PKIB: variants seen among roughly 807,000 people sequenced by gnomAD.
The protein encoded by PKIB is cAMP-dependent protein kinase inhibitor beta, also known as PKI-beta.
Under a neutral mutation model 4.5 loss-of-function variants are expected in PKIB, and 2 were observed. The observed-to-expected ratio is 0.44, with a 90% CI of 0.18 to 1.39. The LOEUF (loss-of-function observed/expected upper bound fraction) is 1.39, where lower values mean the gene tolerates loss of function less well. Among genes scored for constraint, PKIB ranks in the 40% most tolerant of loss-of-function variants. The pLI, the probability that PKIB is intolerant of heterozygous loss-of-function variation, is 0.27. For synonymous variants in PKIB, 38 were observed against 36.0 expected, an observed-to-expected ratio of 1.06 and a Z score of -0.20; for missense variants, 94 against 92.6, an observed-to-expected ratio of 1.02 and a Z score of -0.06.
chr6:122,585,448 G>A (rs891131729), intron 2 of PKIB: 2 of 152,138 alleles, frequency 1.3e-5, no homozygotes, highest in African/African-American at 4.8e-5. Context: ...AAAGCTAAAA[G>A]GGGCCAGAGA....
intron 3 of PKIB, among the ~76,000 whole-genome samples, chr6:122,716,520 A>G (rs988818208): frequency 6.6e-6 from 1 of 152,174 alleles, no homozygotes; most frequent in Non-Finnish European, 1.5e-5. Flanking sequence ...AAAGACAATA[A>G]TATCTATGGA....
chr6:122,640,784 G>A (rs1205635979), intron 2 of PKIB, among the ~76,000 whole-genome samples: 1 of 152,122 alleles, frequency 6.6e-6, no homozygotes, highest in Non-Finnish European at 1.5e-5. Flanking sequence ...CTTCTCACAT[G>A]CCTACCAGCT....
intron 4 of PKIB, among the ~76,000 whole-genome samples, chr6:122,718,342 G>A (rs776379082): frequency 6.6e-6 from 1 of 151,964 alleles, no homozygotes; most frequent in African/African-American, 2.4e-5. Flanking sequence ...AAATCACTTT[G>A]GAAGCTTCTG....
At chr6:122,581,059 C>A (rs184884170) in intron 2 of PKIB, among the ~76,000 whole-genome samples, 1 of 152,256 alleles carries the variant, frequency 6.6e-6, no homozygotes, top group East Asian at 1.9e-4. Flanking sequence ...TCGAGTCCCA[C>A]CAGAGCCAGG....
chr6:122,561,994 GTTTTTTTTTGTTTTTT>G (rs1773036423), intron 2 of PKIB, among the ~76,000 whole-genome samples: 1 of 40,904 alleles, frequency 2.4e-5, no homozygotes, highest in Non-Finnish European at 4.6e-5. Context: ...GTTTGTTTTT[GTTTTTTTTTGTTTTTT>G]TTTTTTTTTG....
At chr6:122,490,192 T>C (rs1349562890) in intron 2 of PKIB, among the ~76,000 whole-genome samples, 1 of 152,248 alleles carries the variant, frequency 6.6e-6, no homozygotes, top group Non-Finnish European at 1.5e-5. Flanking sequence ...TTCAAACTTA[T>C]AAAAGCATCT....
At chr6:122,586,518 G>C (rs758957294) in intron 3 of PKIB, among the ~76,000 whole-genome samples, 1 of 152,142 alleles carries the variant, frequency 6.6e-6, no homozygotes, top group Non-Finnish European at 1.5e-5. Flanking sequence ...TAAATGAAGA[G>C]AATGTGTAGG....
rs9398687 is a variant in PKIB, at chr6:122,680,607, G to A, written c.-9+5463G>A. 1.2e-4 allele frequency among the ~76,000 whole-genome samples: 18 copies of A among 152,250 alleles called. No individual in the cohort carries two copies. In the South Asian group the frequency reaches 2.3e-3, roughly 19 times the overall value. On this transcript the variant is annotated intron_variant, in intron 3 of 4. Coordinates refer to ENST00000368452, the MANE Select transcript of PKIB (RefSeq NM_181795.3). ...ATTCTAGTTTTTATGACAAGCCTCA[G>A]GGGAGAATGGGACTGCCAGACAGGA...
chr6:122,478,742 A>G (rs1206012484), intron 2 of PKIB: 2 of 152,206 alleles, frequency 1.3e-5, no homozygotes, highest in Non-Finnish European at 2.9e-5. Context: ...TTAAATGCCA[A>G]TAGGAGAAAG....
At chr6:122,714,701 G>A (rs1303256753) in intron 3 of PKIB, among the ~76,000 whole-genome samples, 1 of 152,128 alleles carries the variant, frequency 6.6e-6, no homozygotes, top group Non-Finnish European at 1.5e-5. Flanking sequence ...AGGTGGGAGA[G>A]CTGCAGAAAA....
chr6:122,661,901 T>C (rs1777005049), intron 2 of PKIB, among the ~76,000 whole-genome samples: 1 of 152,200 alleles, frequency 6.6e-6, no homozygotes, highest in Non-Finnish European at 1.5e-5. Context: ...GAGTGTAAAG[T>C]GGTATTTCAA....
At chr6:122,621,775 C>T (rs560831760) in intron 1 of PKIB, among the ~76,000 whole-genome samples, 2 of 152,296 alleles carry the variant, frequency 1.3e-5, no homozygotes, top group South Asian at 2.1e-4. Flanking sequence ...CTTGATTGAA[C>T]GTTTCAAATT....
chr6:122,569,013 C>CT, intron 2 of PKIB, among the ~76,000 whole-genome samples: 1 of 152,226 alleles, frequency 6.6e-6, no homozygotes, highest in African/African-American at 2.4e-5. Context: ...TCTCCACTCC[C>CT]TTTGCAAACT....
At chr6:122,586,634 G>C (rs777945104) in intron 3 of PKIB, among the ~76,000 whole-genome samples, 6 of 152,100 alleles carry the variant, frequency 3.9e-5, no homozygotes, top group African/African-American at 7.2e-5. Context: ...CTCTTTTTGA[G>C]AAAGTCCTTT....
At chr6:122,697,875 A>G (rs1366723060) in intron 3 of PKIB, among the ~76,000 whole-genome samples, 2 of 152,108 alleles carry the variant, frequency 1.3e-5, no homozygotes, top group East Asian at 1.9e-4. Context: ...GAGGCCTTGT[A>G]TTGTGGCCTT....
At chr6:122,629,387 T>C (rs981654961) in intron 1 of PKIB, among the ~76,000 whole-genome samples, 1 of 152,168 alleles carries the variant, frequency 6.6e-6, no homozygotes, top group African/African-American at 2.4e-5. Flanking sequence ...GTATAAAATA[T>C]AATATCTATC....
intron 2 of PKIB, among the ~76,000 whole-genome samples, chr6:122,658,201 C>T (rs1236704911): frequency 1.3e-5 from 2 of 152,088 alleles, no homozygotes. Flanking sequence ...AAATATTAGA[C>T]ATAACTTATA....
At position 122,505,186 on chromosome 6, in the gene PKIB, G is replaced by A. The variant is rs72958569; in HGVS notation, c.-248+27247G>A. On this transcript the variant is annotated intron_variant, in intron 2 of 6. Coordinates refer to the PKIB transcript ENST00000392491. ...AGTGGGCTTAACTAGGAGCCTGTAC[G>A]TCTGTCCACATTTTAATGTTTTAAA... 6.6e-3 allele frequency among the ~76,000 whole-genome samples: 1,004 copies of A among 152,256 alleles called. 7 individuals are homozygous for A. The highest frequency in any genetic ancestry group is 0.01 in the Middle Eastern group (3 of 294).
chr6:122,612,708 G>A (rs1426789089), intron 1 of PKIB, among the ~76,000 whole-genome samples: 1 of 152,026 alleles, frequency 6.6e-6, no homozygotes, highest in Non-Finnish European at 1.5e-5. Context: ...TGGATATTTG[G>A]GTTGTTTCCA....
Sources: gnomAD v4.1 joint callset for allele counts (sites outside exome capture counted in the v4.1 genomes callset) on GRCh38, gnomAD v4.1.1 for gene constraint, MANE v1.5 for transcripts, NCBI Gene and HGNC (gene_info 2026-07-23, HGNC 2026-07-21) for gene names.